The following FRK variants were observed in gnomAD, a reference collection of about 807,000 sequenced individuals.
The protein encoded by FRK is fyn related Src family tyrosine kinase.
In FRK, 51 loss-of-function variants were observed where a neutral mutation model predicts 56.4. The ratio of observed to expected loss-of-function variants is 0.90; its 90% CI spans 0.72 to 1.14. FRK has a LOEUF of 1.14. Ranked by LOEUF, FRK falls within the 50% of genes most tolerant of loss-of-function variation. FRK has a pLI of 0.00. For missense variants in FRK, 570 were observed against 601.4 expected, an observed-to-expected ratio of 0.95 and a Z score of 0.55; for synonymous variants, 245 against 217.9, an observed-to-expected ratio of 1.12 and a Z score of -1.10.
intron 5 of FRK, among the ~76,000 whole-genome samples, chr6:115,955,911 C>T (rs1713928821): frequency 1.3e-5 from 2 of 152,144 alleles, no homozygotes; most frequent in African/African-American, 4.8e-5. Flanking sequence ...CTACAGGAAG[C>T]AAACAGAGAA....
intron 1 of FRK, among the ~76,000 whole-genome samples, chr6:116,020,472 G>C (rs1775834318): frequency 6.6e-6 from 1 of 151,928 alleles, no homozygotes; most frequent in Non-Finnish European, 1.5e-5. Context: ...TGTATTTTTA[G>C]TAGAGATGGG....
At chr6:116,004,076 T>C (rs746935585) in intron 1 of FRK, 78 bp from the exon 2 acceptor site, 1 of 1,258,454 alleles carries the variant, frequency 7.9e-7, no homozygotes, top group Admixed American at 2.1e-5. Context: ...GGCAAGATAG[T>C]ATTCTAATAT....
chr6:116,012,781 TGG>T (rs1775520035), intron 1 of FRK, among the ~76,000 whole-genome samples: 1 of 152,214 alleles, frequency 6.6e-6, no homozygotes, highest in Admixed American at 6.5e-5. Context: ...AAAGTGTTTA[TGG>T]GAGAAGGCTT....
Position 115,938,910 on chromosome 6 carries a change from T to C in FRK, c.*3504A>G, listed in dbSNP as rs141416300. On this transcript the variant is annotated 3_prime_UTR_variant, in exon 8 of 8. Coordinates refer to ENST00000606080, the MANE Select transcript of FRK (RefSeq NM_002031.3). Reference sequence around the variant, plus strand: ...CCAGAGGTACAAAGAGGTACAAAGCTAGTACTATTCTTTCTGAAACTATTC... The same window carrying C: ...CCAGAGGTACAAAGAGGTACAAAGCCAGTACTATTCTTTCTGAAACTATTC... 6.6e-6 allele frequency: 1 copy of C among 151,880 alleles called. No homozygotes were observed. Among genetic ancestry groups the C allele is most frequent in the Non-Finnish European group, 1.5e-5 (1 of 68,010 alleles). 9.4% of individuals were successfully genotyped at this position (151,880 alleles called of 1,614,324 possible).
At chr6:116,009,875 T>C (rs1320191113) in intron 1 of FRK, among the ~76,000 whole-genome samples, 1 of 152,178 alleles carries the variant, frequency 6.6e-6, no homozygotes, top group East Asian at 1.9e-4. Flanking sequence ...GACATTGTTG[T>C]ATAAAAAAGG....
At chr6:116,056,743 T>C (rs560869670) in intron 1 of FRK, among the ~76,000 whole-genome samples, 49 of 152,300 alleles carry the variant, frequency 3.2e-4, no homozygotes, top group South Asian at 1.0e-3. Context: ...TCGAGGGATT[T>C]CACATTGAAG....
chr6:115,952,923 G>A (rs1272505293), intron 5 of FRK, among the ~76,000 whole-genome samples: 1 of 115,186 alleles, frequency 8.7e-6, no homozygotes, highest in Non-Finnish European at 1.7e-5. Flanking sequence ...GGACTGTGGT[G>A]GGGTGGGGGG....
intron 2 of FRK, among the ~76,000 whole-genome samples, chr6:115,975,746 T>C (rs923700830): frequency 2.6e-5 from 4 of 152,180 alleles, no homozygotes; most frequent in African/African-American, 9.7e-5. Flanking sequence ...ATCAATAAAG[T>C]TGCTGGCATT....
chr6:116,069,400 G>C, the FRK span, among the ~76,000 whole-genome samples: 1 of 152,124 alleles, frequency 6.6e-6, no homozygotes, highest in Non-Finnish European at 1.5e-5. Context: ...AAGATGAACA[G>C]AGTCATGCCT....
chr6:116,010,855 G>A (rs1006821485), intron 1 of FRK, among the ~76,000 whole-genome samples: 1 of 152,124 alleles, frequency 6.6e-6, no homozygotes, highest in African/African-American at 2.4e-5. Flanking sequence ...TTTGTTTTAG[G>A]CATGTTGGAT....
Position 115,956,484 on chromosome 6 carries a change from A to G in FRK, c.926T>C (p.Met309Thr), listed in dbSNP as rs1772996774. ...EDPIYIITEL[M>T]RHGSLQEYLQ... ...ATATTCTTGCAGACTTCCATGTCTCATCAACTCTGTAATAATATAAATTGG... is the reference window on the plus strand; with the variant it reads ...ATATTCTTGCAGACTTCCATGTCTCGTCAACTCTGTAATAATATAAATTGG... The change falls in exon 5 of 8, where the codon ATG (methionine) becomes ACG (threonine). Residue 309 changes from methionine to threonine, a missense_variant. Coordinates refer to ENST00000606080, the MANE Select transcript of FRK (RefSeq NM_002031.3). The G allele has an allele frequency of 2.6e-6, 4 of 1,566,450 alleles. No homozygotes were observed. The highest frequency in any genetic ancestry group is 8.6e-7 in the Non-Finnish European group (1 of 1,156,884).
chr6:115,952,991 G>A (rs1464460041), intron 5 of FRK, among the ~76,000 whole-genome samples: 4 of 151,064 alleles, frequency 2.6e-5, no homozygotes, highest in Admixed American at 2.6e-4. Flanking sequence ...GTTAATGGAT[G>A]CAGCACACCA....
the FRK span, among the ~76,000 whole-genome samples, chr6:116,081,174 C>T: frequency 6.6e-6 from 1 of 152,174 alleles, no homozygotes; most frequent in Non-Finnish European, 1.5e-5. Context: ...CACTGGGTGC[C>T]TCCCACAACA....
At chr6:115,966,490 C>A (rs1562261558) in intron 4 of FRK, among the ~76,000 whole-genome samples, 1 of 152,210 alleles carries the variant, frequency 6.6e-6, no homozygotes, top group Non-Finnish European at 1.5e-5. Context: ...ATGGTGCCCC[C>A]ATGAGCCTTG....
chr6:116,028,172 C>A (rs1467435270), intron 1 of FRK, among the ~76,000 whole-genome samples: 1 of 152,136 alleles, frequency 6.6e-6, no homozygotes, highest in Non-Finnish European at 1.5e-5. Context: ...ACTGGTTATA[C>A]TGTCACAAAA....
the FRK span, among the ~76,000 whole-genome samples, chr6:116,090,750 C>A: frequency 6.6e-6 from 1 of 152,086 alleles, no homozygotes; most frequent in African/African-American, 2.4e-5. Context: ...CCCACACCCC[C>A]AAAAGAACAG....
At chr6:116,010,824 T>C (rs982074055) in intron 1 of FRK, among the ~76,000 whole-genome samples, 1 of 152,218 alleles carries the variant, frequency 6.6e-6, no homozygotes, top group Non-Finnish European at 1.5e-5. Flanking sequence ...AGATAATTAA[T>C]TGAAGGCAGA....
intron 2 of FRK, among the ~76,000 whole-genome samples, chr6:115,979,425 T>G (rs1291170337): frequency 2.0e-5 from 3 of 152,180 alleles, no homozygotes; most frequent in Non-Finnish European, 4.4e-5. Context: ...AAAATGTGTT[T>G]GTTTTACACT....
chr6:115,942,868 AT>A, intron 7 of FRK, 151 bp downstream of exon 7: 2 of 795,724 alleles, frequency 2.5e-6, no homozygotes, highest in Non-Finnish European at 3.9e-6. Context: ...ATTAATGCAA[AT>A]TATCATCATC....
Sources: allele counts gnomAD v4.1 joint callset (sites outside exome capture counted in the v4.1 genomes callset), GRCh38; gene constraint gnomAD v4.1.1; transcripts MANE v1.5; gene names NCBI Gene and HGNC (gene_info 2026-07-23, HGNC 2026-07-21).